KCNIP3: variants seen among roughly 807,000 people sequenced by gnomAD.
KCNIP3 encodes the protein calsenilin.
KCNIP3 carries 28 observed loss-of-function variants against 35.0 expected under a neutral mutation model. The observed-to-expected ratio is 0.80, with a 90% confidence interval of 0.59 to 1.10. The LOEUF is 1.10. Ranked by LOEUF, KCNIP3 falls within the 50% of genes least tolerant of loss-of-function variation. KCNIP3 has a pLI of 0.00. For synonymous variants in KCNIP3, 134 were observed against 133.8 expected, an observed-to-expected ratio of 1.00 and a Z score of -0.01; for missense variants, 295 against 338.4, an observed-to-expected ratio of 0.87 and a Z score of 1.01.
At chr2:95,381,500 T>C (rs1258144839) in intron 5 of KCNIP3, 96 bp from the exon 6 acceptor site, 4 of 840,082 alleles carry the variant, frequency 4.8e-6, no homozygotes, top group Non-Finnish European at 8.0e-6. Context: ...TCTGTGCCTG[T>C]TGGAGGCGTG....
chr2:95,316,433 C>T (rs990351630), intron 2 of KCNIP3, among the ~76,000 whole-genome samples: 1 of 152,224 alleles, frequency 6.6e-6, no homozygotes. Context: ...GTGGCTTGAT[C>T]AAGACAGGTG....
chr2:95,326,281 A>T (rs1449885357), intron 2 of KCNIP3, among the ~76,000 whole-genome samples: 1 of 151,890 alleles, frequency 6.6e-6, no homozygotes, highest in African/African-American at 2.4e-5. Flanking sequence ...CACTCACTAC[A>T]CATACACACT....
At chr2:95,315,040 CT>C (rs969645414) in intron 2 of KCNIP3, among the ~76,000 whole-genome samples, 5 of 152,184 alleles carry the variant, frequency 3.3e-5, no homozygotes, top group African/African-American at 1.2e-4. Context: ...GGACGGGAGC[CT>C]GTGAGCCCTG....
Position 95,384,173 on chromosome 2 carries a change from C to CAT in KCNIP3, c.*125_*126insTA. 1 of 566,550 alleles carries CAT rather than the reference C, an allele frequency of 1.8e-6. No individual in the cohort carries two copies. 35.1% of individuals were successfully genotyped at this position (566,550 alleles called of 1,614,324 possible). A position where few individuals can be genotyped will look rare whatever the true frequency, so the allele number is the denominator to read the frequency against. The stretch of plus-strand genomic sequence containing the variant: ...TGCAAAAAGTGAACAGATTGCTACA[C>CAT]ACACACACACACACACACACACACA... On this transcript the variant is annotated 3_prime_UTR_variant, in exon 9 of 9. Transcript: ENST00000295225.
At chr2:95,339,990 G>A (rs1679152900) in intron 2 of KCNIP3, among the ~76,000 whole-genome samples, 1 of 152,094 alleles carries the variant, frequency 6.6e-6, no homozygotes, top group Non-Finnish European at 1.5e-5. Context: ...GTGAGTTCCA[G>A]CCAGTGGGAA....
intron 2 of KCNIP3, among the ~76,000 whole-genome samples, chr2:95,320,079 A>C (rs1407290862): frequency 1.3e-5 from 2 of 152,126 alleles, no homozygotes; most frequent in Non-Finnish European, 2.9e-5. Flanking sequence ...CCAGCCAGGG[A>C]GGTGCTCTCT....
At chr2:95,364,261 T>G (rs1679866010) in intron 2 of KCNIP3, among the ~76,000 whole-genome samples, 1 of 152,244 alleles carries the variant, frequency 6.6e-6, no homozygotes. Context: ...ACATGAAAGC[T>G]TATCAAATGC....
rs1016317235 is a variant in KCNIP3, at chr2:95,384,783, T to C, written c.*734T>C. The C allele has an allele frequency of 4.6e-5, 7 of 152,462 alleles. No homozygotes were observed. The highest frequency in any genetic ancestry group is 8.8e-5 in the Non-Finnish European group (6 of 68,286). 9.4% of individuals were successfully genotyped at this position (152,462 alleles called of 1,614,324 possible). A position where few individuals can be genotyped will look rare whatever the true frequency, so the allele number is the denominator to read the frequency against. ...AGGCGGGGGATTTCAAGTTTAGGGA[T>C]TGGGTCGTGGTGGAGAATCTGAGGG... On this transcript the variant is annotated 3_prime_UTR_variant, in exon 9 of 9. Transcript: ENST00000295225.
intron 2 of KCNIP3, among the ~76,000 whole-genome samples, chr2:95,370,837 G>A (rs1174766642): frequency 6.6e-6 from 1 of 151,818 alleles, no homozygotes. Flanking sequence ...TCTGCTCACT[G>A]CAATCTCCAA....
At position 95,376,504 on chromosome 2, in the gene KCNIP3, G is replaced by A. The variant is rs1330950795; in HGVS notation, c.447+1296G>A. 6.6e-6 allele frequency among the ~76,000 whole-genome samples: 1 copy of A among 152,200 alleles called. No individual in the cohort carries two copies. The highest frequency in any genetic ancestry group is 1.9e-4 in the East Asian group (1 of 5,176). Reference sequence around the variant, plus strand: ...TAAGGAAGCAGGTGGCAGCCCTCTGGGCTGGGTCTGTCAGTGGCTGTGCTG... The same window carrying A: ...TAAGGAAGCAGGTGGCAGCCCTCTGAGCTGGGTCTGTCAGTGGCTGTGCTG... On this transcript the variant is annotated intron_variant, in intron 5 of 8. Coordinates refer to ENST00000295225, the MANE Select transcript of KCNIP3 (RefSeq NM_013434.5). The surrounding 1 kb of genome is among the most constrained non-coding windows in gnomAD (Gnocchi z 4.2).
chr2:95,324,936 T>C (rs1322248897), intron 2 of KCNIP3, among the ~76,000 whole-genome samples: 2 of 151,988 alleles, frequency 1.3e-5, no homozygotes, highest in East Asian at 3.9e-4. Flanking sequence ...CAAAAGACAG[T>C]TTTATGATCT....
chr2:95,365,633 T>C (rs1679899318), intron 2 of KCNIP3, among the ~76,000 whole-genome samples: 1 of 152,114 alleles, frequency 6.6e-6, no homozygotes, highest in Non-Finnish European at 1.5e-5. Context: ...GAAAATATGG[T>C]CAAGGAGTTT....
rs148795481 is a variant in KCNIP3, at chr2:95,381,671, G to A, written c.523G>A (p.Asp175Asn). Residue 175 changes from aspartate (D) to asparagine (N), a missense_variant, in exon 6 of 9, where the codon GAC becomes AAC. Transcript: ENST00000295225. ...EKLKWAFNLY[D>N]INKDGYITKE... is the part of the protein sequence containing the mutation. The stretch of plus-strand genomic sequence containing the variant: ...GCTCAAGTGGGCCTTTAATCTCTAC[G>A]ACATTAACAAGGATGGCTACATCAC... The A allele has an allele frequency of 7.7e-5, 125 of 1,613,836 alleles. No individual in the cohort carries two copies. Among genetic ancestry groups the A allele is most frequent in the Middle Eastern group, 1.6e-4 (1 of 6,074 alleles).
chr2:95,319,648 G>A (rs1678538950), intron 2 of KCNIP3, among the ~76,000 whole-genome samples: 1 of 152,176 alleles, frequency 6.6e-6, no homozygotes, highest in Non-Finnish European at 1.5e-5. Context: ...GGGCTAGAGC[G>A]ATAGTGCCTC....
chr2:95,346,555 C>T (rs1679370981), intron 2 of KCNIP3, among the ~76,000 whole-genome samples: 1 of 146,226 alleles, frequency 6.8e-6, no homozygotes, highest in Non-Finnish European at 1.5e-5. Flanking sequence ...CGGGGAGCGG[C>T]GATGGAGGCT....
chr2:95,353,071 T>C lies in KCNIP3; in HGVS notation c.182-21225T>C, dbSNP rs559419041. On this transcript the variant is annotated intron_variant, in intron 2 of 8. Transcript: ENST00000295225. Reference sequence around the variant, plus strand: ...TGGGTTAGCGAGCAAACACTGAGAGTGTGTGTTGGGGTGGGGGGCTGTAAG... The same window carrying C: ...TGGGTTAGCGAGCAAACACTGAGAGCGTGTGTTGGGGTGGGGGGCTGTAAG... Among the ~76,000 whole-genome samples, 4 of 152,026 alleles carry C rather than the reference T, an allele frequency of 2.6e-5. No homozygotes were observed. In the South Asian group the frequency reaches 8.3e-4, roughly 32 times the overall value.
At chr2:95,361,783 C>A (rs1679805333) in intron 2 of KCNIP3, among the ~76,000 whole-genome samples, 1 of 152,172 alleles carries the variant, frequency 6.6e-6, no homozygotes, top group East Asian at 1.9e-4. Context: ...CATGCACAGG[C>A]ACTGTTCCAG....
chr2:95,355,359 ATTATAC>A (rs1679631381), intron 2 of KCNIP3: 1 of 152,156 alleles, frequency 6.6e-6, no homozygotes. Context: ...TATTATTATT[ATTATAC>A]TTTAAGCTGT....
At chr2:95,359,522 G>A (rs1679739407) in intron 2 of KCNIP3, among the ~76,000 whole-genome samples, 1 of 152,204 alleles carries the variant, frequency 6.6e-6, no homozygotes, top group Non-Finnish European at 1.5e-5. Context: ...AGCCACAGGA[G>A]CTCTCCCAGG....
Sources: allele counts gnomAD v4.1 joint callset (sites outside exome capture counted in the v4.1 genomes callset), GRCh38; gene constraint gnomAD v4.1.1; non-coding constraint Gnocchi (gnomAD v3.1); transcripts MANE v1.5; gene names NCBI Gene and HGNC (gene_info 2026-07-23, HGNC 2026-07-21).